Variants in VPS37A observed in about 807,000 individuals in gnomAD.
VPS37A encodes vacuolar protein sorting-associated protein 37A.
In VPS37A, 30 loss-of-function variants were observed where a neutral mutation model predicts 49.8. That is an observed-to-expected ratio of 0.60 (90% CI 0.45 to 0.82). The LOEUF (loss-of-function observed/expected upper bound fraction) is 0.82, where lower values mean the gene tolerates loss of function less well. Ranked by LOEUF, VPS37A falls within the 40% of genes least tolerant of loss-of-function variation. The probability of loss-of-function intolerance (pLI) is 0.00; values close to 1 mark genes in which losing one functional copy is unlikely to be tolerated. For synonymous variants in VPS37A, 195 were observed against 160.6 expected (o/e 1.21, Z -1.62); for missense variants, 593 against 464.4 (o/e 1.28, Z -2.55).
intron 1 of VPS37A, among the ~76,000 whole-genome samples, chr8:17,254,221 A>G (rs894169929): frequency 9.2e-5 from 14 of 152,274 alleles, no homozygotes; most frequent in Admixed American, 7.2e-4. Context: ...GTGATGAAGA[A>G]TAAGAATGAC....
chr8:17,309,879 G>A, the VPS37A span, among the ~76,000 whole-genome samples: 1 of 152,072 alleles, frequency 6.6e-6, no homozygotes, highest in Non-Finnish European at 1.5e-5. Context: ...ATGGTGTTTG[G>A]GGTATATTCA....
chr8:17,298,098 C>G (rs921708716), downstream of VPS37A: 1 of 151,820 alleles, frequency 6.6e-6, no homozygotes, highest in South Asian at 2.1e-4. Context: ...AAATTAAAGC[C>G]ACATCCTCAA....
chr8:17,299,007 T>TACTA (rs1167541135), downstream of VPS37A: 1 of 152,210 alleles, frequency 6.6e-6, no homozygotes, highest in Non-Finnish European at 1.5e-5. Flanking sequence ...ATGTTTTATC[T>TACTA]ACTAACTTTA....
the VPS37A span, among the ~76,000 whole-genome samples, chr8:17,332,816 TTATAGA>T: frequency 6.6e-6 from 1 of 152,186 alleles, no homozygotes; most frequent in Admixed American, 6.5e-5. Context: ...TAAAACCAAC[TTATAGA>T]TATGTATTTA....
intron 4 of VPS37A, among the ~76,000 whole-genome samples, chr8:17,270,058 A>G (rs943509022): frequency 1.3e-5 from 2 of 152,004 alleles, no homozygotes; most frequent in Admixed American, 6.6e-5. Context: ...GGGAGGTACC[A>G]CACCCTTTTA....
the VPS37A span, among the ~76,000 whole-genome samples, chr8:17,327,108 G>C: frequency 6.6e-6 from 1 of 152,160 alleles, no homozygotes; most frequent in Admixed American, 6.5e-5. Context: ...ATTCTCCCAT[G>C]TTAGTACATA....
intron 5 of VPS37A, among the ~76,000 whole-genome samples, chr8:17,275,811 A>G (rs745434895): frequency 6.6e-6 from 1 of 152,178 alleles, no homozygotes; most frequent in Non-Finnish European, 1.5e-5. Context: ...CAGAGTTTAT[A>G]ATCATTTAGA....
At chr8:17,332,962 T>A in the VPS37A span, among the ~76,000 whole-genome samples, 1 of 152,204 alleles carries the variant, frequency 6.6e-6, no homozygotes, top group African/African-American at 2.4e-5. Flanking sequence ...GATGCCCCTG[T>A]AATCTTTCAT....
chr8:17,275,779 G>A (rs1814457950), intron 5 of VPS37A, among the ~76,000 whole-genome samples: 1 of 152,140 alleles, frequency 6.6e-6, no homozygotes, highest in Non-Finnish European at 1.5e-5. Context: ...TGAAACCATA[G>A]TATATCCAAC....
the VPS37A span, among the ~76,000 whole-genome samples, chr8:17,320,368 T>C: frequency 6.6e-6 from 1 of 152,088 alleles, no homozygotes; most frequent in Admixed American, 6.5e-5. Flanking sequence ...CCTGAGATGA[T>C]GCATGATAGC....
Position 17,280,237 on chromosome 8 carries a change from A to C in VPS37A, c.842-2A>C. On this transcript the variant is annotated splice_acceptor_variant, in intron 7 of 11. Coordinates refer to ENST00000324849, the MANE Select transcript of VPS37A (RefSeq NM_152415.3). LOFTEE classifies it high-confidence loss of function. Reference sequence around the variant, plus strand: ...GAAGTAAACTAGAGATTTATCTTACAGGAAAAAATCTCCTTTTGGAGCCCA... The same window carrying C: ...GAAGTAAACTAGAGATTTATCTTACCGGAAAAAATCTCCTTTTGGAGCCCA... 6.2e-7 allele frequency: 1 copy of C among 1,612,688 alleles called. No homozygotes were observed. Among genetic ancestry groups the C allele is most frequent in the Non-Finnish European group, 8.5e-7 (1 of 1,179,290 alleles).
At chr8:17,277,168 A>G (rs1814592013) in intron 6 of VPS37A, among the ~76,000 whole-genome samples, 1 of 152,046 alleles carries the variant, frequency 6.6e-6, no homozygotes, top group Non-Finnish European at 1.5e-5. Context: ...CCAAGTACCC[A>G]TGAGAAATTC....
At chr8:17,305,258 T>G (rs1390768379), downstream of VPS37A, among the ~76,000 whole-genome samples, 1 of 152,250 alleles carries the variant, frequency 6.6e-6, no homozygotes, top group Non-Finnish European at 1.5e-5. Flanking sequence ...TGTTCTCTCA[T>G]GTATACTGCC....
rs191450902 is a variant in VPS37A at position 17,253,057 on chromosome 8, A to G, written c.125+5688A>G. Among the ~76,000 whole-genome samples, 32 of 152,332 alleles carry G rather than the reference A, an allele frequency of 2.1e-4. No homozygotes were observed. The East Asian group carries it at 5.4e-3, about 26-fold the overall frequency. ...AATAAAGCATGGTACCATTTAAGAA[A>G]TATCATACAGCTCAAGTGCTCAGTT... On this transcript the variant is annotated intron_variant, in intron 1 of 11. Coordinates refer to ENST00000324849, the MANE Select transcript of VPS37A (RefSeq NM_152415.3).
intron 9 of VPS37A, among the ~76,000 whole-genome samples, chr8:17,283,045 A>T (rs1286180415): frequency 6.6e-6 from 1 of 152,210 alleles, no homozygotes; most frequent in Non-Finnish European, 1.5e-5. Context: ...TAAAACATCC[A>T]TGTGAGCCAT....
chr8:17,328,111 G>C, the VPS37A span, among the ~76,000 whole-genome samples: 1 of 152,114 alleles, frequency 6.6e-6, no homozygotes, highest in Non-Finnish European at 1.5e-5. Context: ...AGCTACTCGT[G>C]GGGAGAAAGT....
chr8:17,292,226 CTTCT>C (rs1563294289), intron 11 of VPS37A, among the ~76,000 whole-genome samples: 1 of 152,062 alleles, frequency 6.6e-6, no homozygotes, highest in African/African-American at 2.4e-5. Context: ...ATGTAATGCC[CTTCT>C]TTGTCTTTTT....
downstream of VPS37A, chr8:17,302,313 C>G (rs547108725): frequency 3.2e-6 from 5 of 1,585,862 alleles, no homozygotes; most frequent in South Asian, 2.3e-5. Flanking sequence ...GTGATACCAC[C>G]TTATCACAGT....
At chr8:17,257,741 A>G (rs994493063) in intron 1 of VPS37A, among the ~76,000 whole-genome samples, 2 of 152,172 alleles carry the variant, frequency 1.3e-5, no homozygotes, top group African/African-American at 4.8e-5. Flanking sequence ...TTGTCATTTT[A>G]ATAGTATTTA....
Sources: gnomAD v4.1 joint callset for allele counts (sites outside exome capture counted in the v4.1 genomes callset) on GRCh38, gnomAD v4.1.1 for gene constraint, MANE v1.5 for transcripts, NCBI Gene and HGNC (gene_info 2026-07-23, HGNC 2026-07-21) for gene names.